The following CACNA1E variants were observed in gnomAD, a reference collection of about 807,000 sequenced individuals.
CACNA1E encodes the protein calcium voltage-gated channel subunit alpha1 E.
Under a neutral mutation model 259.2 loss-of-function variants are expected in CACNA1E, and 40 were observed. That is an observed-to-expected ratio of 0.15 (90% CI 0.12 to 0.20). The LOEUF (loss-of-function observed/expected upper bound fraction) is 0.20. Among genes scored for constraint, CACNA1E ranks in the 10% least tolerant of loss-of-function variants. The pLI, the probability that CACNA1E is intolerant of heterozygous loss-of-function variation, is 1.00. For synonymous variants in CACNA1E, 1,104 were observed against 1,138.5 expected (o/e 0.97, Z 0.61); for missense variants, 1,874 against 3,040.1 (o/e 0.62, Z 9.02).
intron 6 of CACNA1E, among the ~76,000 whole-genome samples, chr1:181,621,402 G>A (rs1558194088): frequency 6.6e-6 from 1 of 152,196 alleles, no homozygotes; most frequent in Non-Finnish European, 1.5e-5. Flanking sequence ...AGGTAATTCA[G>A]TATGGGTTAA....
intron 1 of CACNA1E, among the ~76,000 whole-genome samples, chr1:181,360,078 C>T (rs1355693705): frequency 1.3e-5 from 2 of 152,168 alleles, no homozygotes; most frequent in African/African-American, 4.8e-5. Flanking sequence ...TTTGCTGCTT[C>T]CATGACACCT....
At chr1:181,674,576 G>C (rs1224365121) in intron 7 of CACNA1E, among the ~76,000 whole-genome samples, 4 of 152,034 alleles carry the variant, frequency 2.6e-5, no homozygotes, top group African/African-American at 9.7e-5. Context: ...CCCCTAATAT[G>C]GACCAGGCCT....
chr1:181,334,828 C>T (rs1315805787), intron 1 of CACNA1E, among the ~76,000 whole-genome samples: 1 of 152,206 alleles, frequency 6.6e-6, no homozygotes, highest in Non-Finnish European at 1.5e-5. Flanking sequence ...ACTCCTCTGC[C>T]TGAAACCATC....
At chr1:181,430,246 C>T (rs1659619772) in intron 2 of CACNA1E, among the ~76,000 whole-genome samples, 1 of 152,018 alleles carries the variant, frequency 6.6e-6, no homozygotes, top group African/African-American at 2.4e-5. Context: ...CGTTTCATGA[C>T]CAAAAAAATT....
intron 7 of CACNA1E, among the ~76,000 whole-genome samples, chr1:181,695,835 G>T (rs1476635868): frequency 6.6e-6 from 1 of 152,128 alleles, no homozygotes; most frequent in African/African-American, 2.4e-5. Context: ...TCTGCCTGTA[G>T]TCCCAGCTAC....
intron 2 of CACNA1E, among the ~76,000 whole-genome samples, chr1:181,477,742 C>G (rs1662959912): frequency 6.6e-6 from 1 of 152,216 alleles, no homozygotes; most frequent in African/African-American, 2.4e-5. Context: ...TGCAGTGTTT[C>G]CAGTGTGTTA....
chr1:181,725,632 C>A (rs752209670), intron 17 of CACNA1E, among the ~76,000 whole-genome samples: 1 of 152,246 alleles, frequency 6.6e-6, no homozygotes, highest in Non-Finnish European at 1.5e-5. Context: ...TACAATGGGG[C>A]ACTCAGCCTC....
At chr1:181,724,664 T>C (rs1179881726) in intron 17 of CACNA1E, 127 bp downstream of exon 17, 2 of 721,894 alleles carry the variant, frequency 2.8e-6, no homozygotes, top group Non-Finnish European at 4.7e-6. Context: ...TTCTGGAAAC[T>C]TCTGGACAGT....
chr1:181,326,309 A>G (rs1650786693), intron 1 of CACNA1E, among the ~76,000 whole-genome samples: 1 of 152,130 alleles, frequency 6.6e-6, no homozygotes, highest in Non-Finnish European at 1.5e-5. Flanking sequence ...TGAGGTTTGG[A>G]CCCCTAATTA....
At chr1:181,734,062 G>A (rs559350142) in intron 21 of CACNA1E, among the ~76,000 whole-genome samples, 2 of 152,250 alleles carry the variant, frequency 1.3e-5, no homozygotes, top group Admixed American at 6.5e-5. Context: ...ATATTTGATG[G>A]TGTTGTCTGG....
chr1:181,332,575 G>A, intron 1 of CACNA1E, among the ~76,000 whole-genome samples: 2 of 152,272 alleles, frequency 1.3e-5, no homozygotes, highest in South Asian at 4.1e-4. Context: ...ACTGTTATCA[G>A]CCTGCCATTG....
intron 1 of CACNA1E, among the ~76,000 whole-genome samples, chr1:181,500,428 GTATT>G (rs1428829007): frequency 2.0e-5 from 3 of 152,200 alleles, no homozygotes; most frequent in Admixed American, 6.5e-5. Flanking sequence ...CATGGAGAGA[GTATT>G]TATACCCCAG....
intron 1 of CACNA1E, among the ~76,000 whole-genome samples, chr1:181,391,887 C>T (rs1409165045): frequency 2.0e-5 from 3 of 151,710 alleles, no homozygotes; most frequent in African/African-American, 7.3e-5. Context: ...CAGATCTTCT[C>T]TCTGTCTCTG....
chr1:181,411,875 G>T (rs573295242), intron 1 of CACNA1E, among the ~76,000 whole-genome samples: 18 of 152,384 alleles, frequency 1.2e-4, no homozygotes, highest in African/African-American at 4.3e-4. Context: ...CTCCCAAAGT[G>T]CTGGGATTAT....
chr1:181,587,461 T>A (rs1317985655), intron 6 of CACNA1E, among the ~76,000 whole-genome samples: 1 of 151,980 alleles, frequency 6.6e-6, no homozygotes, highest in Non-Finnish European at 1.5e-5. Context: ...TTGAGCACAA[T>A]AAAATGAGAG....
chr1:181,396,990 G>A (rs1293901411), intron 1 of CACNA1E, among the ~76,000 whole-genome samples: 1 of 152,178 alleles, frequency 6.6e-6, no homozygotes, highest in Non-Finnish European at 1.5e-5. Flanking sequence ...CCTCTGCAGC[G>A]AACCTGGCCA....
intron 3 of CACNA1E, among the ~76,000 whole-genome samples, chr1:181,528,149 G>C (rs542990547): frequency 2.0e-5 from 3 of 150,992 alleles, no homozygotes; most frequent in Admixed American, 2.0e-4. Flanking sequence ...GCCCGGGGTG[G>C]GGGGGGCAGT....
intron 3 of CACNA1E, among the ~76,000 whole-genome samples, chr1:181,539,555 G>T (rs538150327): frequency 6.6e-6 from 1 of 152,060 alleles, no homozygotes; most frequent in Non-Finnish European, 1.5e-5. Context: ...TATTATTCCC[G>T]GTCTGCTTAC....
intron 2 of CACNA1E, chr1:181,413,621 G>C (rs953436695): frequency 6.5e-6 from 1 of 152,682 alleles, no homozygotes; most frequent in Non-Finnish European, 1.5e-5. Flanking sequence ...TGGCTGGCTG[G>C]GCCTGAGGTC....
Sources: gnomAD v4.1 joint callset for allele counts (sites outside exome capture counted in the v4.1 genomes callset) on GRCh38, gnomAD v4.1.1 for gene constraint, MANE v1.5 for transcripts, NCBI Gene and HGNC (gene_info 2026-07-23, HGNC 2026-07-21) for gene names.